KLC3: variants seen among roughly 807,000 people sequenced by gnomAD.
The protein encoded by KLC3 is kinesin light chain 2.
KLC3 carries 72 observed loss-of-function variants against 62.9 expected under a neutral mutation model. The ratio of observed to expected loss-of-function variants is 1.15; its 90% CI spans 0.95 to 1.39. The LOEUF (loss-of-function observed/expected upper bound fraction) is 1.39. Among genes scored for constraint, KLC3 ranks in the 40% most tolerant of loss-of-function variants. KLC3 has a pLI of 0.00. For missense variants in KLC3, 848 were observed against 691.6 expected (o/e 1.23, Z -2.54); for synonymous variants, 377 against 300.5 (o/e 1.25, Z -2.63).
In KLC3 at chr19:45,346,718, C is replaced by A; in HGVS notation, c.433C>A (p.Arg145Ser). ...ESVAQLEEEKRHLEFLGQLRQ... is the reference protein window; with the variant it reads ...ESVAQLEEEKSHLEFLGQLRQ... Reference sequence around the variant, plus strand: ...CGTGGCCCAGCTGGAGGAGGAGAAGCGCCACCTGGAGTTCCTGGGGCAGCT... The same window carrying A: ...CGTGGCCCAGCTGGAGGAGGAGAAGAGCCACCTGGAGTTCCTGGGGCAGCT... Residue 145 changes from arginine to serine, a missense_variant, in exon 3 of 13, where the codon CGC becomes AGC. Physicochemically the swap from Arg to Ser is moderately radical, Grantham distance 110. Transcript: ENST00000391946. The A allele has an allele frequency of 1.3e-6, 2 of 1,583,984 alleles. No homozygotes were observed. Among genetic ancestry groups the A allele is most frequent in the Admixed American group, 1.8e-5 (1 of 55,398 alleles).
chr19:45,341,589 G>GCA (rs71173156), intron 1 of KLC3, among the ~76,000 whole-genome samples: 1 of 150,274 alleles, frequency 6.7e-6, no homozygotes, highest in African/African-American at 2.4e-5. Flanking sequence ...GCGCGCGCGC[G>GCA]TGTGGTGGAC....
At chr19:45,341,578 T>TGTGTGTGTGCGCGCACGC in intron 1 of KLC3, among the ~76,000 whole-genome samples, 1 of 139,800 alleles carries the variant, frequency 7.2e-6, no homozygotes, top group Non-Finnish European at 1.6e-5. Context: ...TGTGTGTGTG[T>TGTGTGTGTGCGCGCACGC]GCGCGCGCGC....
chr19:45,347,527 G>A lies in KLC3; in HGVS notation c.559+11G>A, dbSNP rs1299914434. The A allele has an allele frequency of 6.2e-7, 1 of 1,607,782 alleles. No homozygotes were observed. Among genetic ancestry groups the A allele is most frequent in the Non-Finnish European group, 8.5e-7 (1 of 1,177,314 alleles). On this transcript the variant is annotated intron_variant, in intron 4 of 12. Transcript: ENST00000391946. ...AGGAGGAGAGGAAAGGTGGGTGTTG[G>A]GAGTACATGCCACAGAGGATGGCAG...
At chr19:45,345,840 G>A in intron 2 of KLC3, 41 bp downstream of exon 2, 1 of 1,516,036 alleles carries the variant, frequency 6.6e-7, no homozygotes, top group South Asian at 1.3e-5. Flanking sequence ...AAGGTCAGCT[G>A]AGGGCGGAGG....
chr19:45,351,221 C>G, intron 12 of KLC3, 65 bp from the exon 13 acceptor site: 1 of 1,591,382 alleles, frequency 6.3e-7, no homozygotes, highest in Non-Finnish European at 8.6e-7. Flanking sequence ...GGACCTGGAG[C>G]TGGAGGGTGG....
At chr19:45,350,263 A>C in intron 8 of KLC3, 78 bp from the exon 9 acceptor site, 2 of 1,097,462 alleles carry the variant, frequency 1.8e-6, no homozygotes, top group Non-Finnish European at 2.6e-6. Flanking sequence ...TCTCTACAAA[A>C]AAAAAAAAAA....
In KLC3 at chr19:45,346,985, G is replaced by A. The variant is rs1441580945; in HGVS notation, c.489+211G>A. The A allele has an allele frequency of 6.0e-5, 31 of 514,940 alleles. No homozygotes were observed. In the Middle Eastern group the frequency reaches 1.5e-3, roughly 25 times the overall value. The allele number at this position is 514,940 out of a possible 1,614,324, so 31.9% of individuals were successfully genotyped here. A position where few individuals can be genotyped will look rare whatever the true frequency, so the allele number is the denominator to read the frequency against. ...CAGACGCCCCCACTAGCTACTCCAC[G>A]AAGCCCCCGAGCCTCGCCAGACCCC... On this transcript the variant is annotated intron_variant, in intron 3 of 12. Transcript: ENST00000391946.
At chr19:45,347,382 G>GC in intron 3 of KLC3, 65 bp from the exon 4 acceptor site, 2 of 1,200,530 alleles carry the variant, frequency 1.7e-6, no homozygotes, top group Non-Finnish European at 2.4e-6. Flanking sequence ...CTGAGATAGA[G>GC]CCAGGGCCCC....
At position 45,351,370 on chromosome 19, in the gene KLC3, T is replaced by C. The variant is rs775855093; in HGVS notation, c.*13T>C. The C allele has an allele frequency of 3.3e-5, 53 of 1,609,090 alleles. 1 individual carries two copies. In the Admixed American group the frequency reaches 5.5e-4, roughly 17 times the overall value. On this transcript the variant is annotated 3_prime_UTR_variant, in exon 13 of 13. Coordinates refer to ENST00000391946, the MANE Select transcript of KLC3 (RefSeq NM_177417.3). ...GAGCCCCCACTAACGTCCAGTGAACTGCGCTGGCCGCAGCTTCTTGGGAAC... is the reference window on the plus strand; with the variant it reads ...GAGCCCCCACTAACGTCCAGTGAACCGCGCTGGCCGCAGCTTCTTGGGAAC...
Position 45,350,434 on chromosome 19 carries a change from G to T in KLC3, c.1234+3G>T. On this transcript the variant is annotated splice_donor_region_variant and intron_variant, in intron 9 of 12. Coordinates refer to ENST00000391946, the MANE Select transcript of KLC3 (RefSeq NM_177417.3). ...GGAGGACCTACCCGCCCCTCTCGGT[G>T]AGCCCCTAGCCCCTGTCTGTCTTCC... is the stretch of plus-strand genomic sequence containing the variant. 1 of 1,613,770 alleles carries T rather than the reference G, an allele frequency of 6.2e-7. No homozygotes were observed. The highest frequency in any genetic ancestry group is 1.1e-5 in the South Asian group (1 of 91,042).
At chr19:45,347,800 C>T in intron 4 of KLC3, 141 bp from the exon 5 acceptor site, 2 of 732,034 alleles carry the variant, frequency 2.7e-6, no homozygotes, top group Non-Finnish European at 4.6e-6. Flanking sequence ...CTAGTGACTC[C>T]TATCTCAGAA....
At chr19:45,349,799 A>C (rs1971628086) in intron 8 of KLC3, 197 bp downstream of exon 8, 3 of 569,344 alleles carry the variant, frequency 5.3e-6, no homozygotes, top group African/African-American at 3.8e-5. Flanking sequence ...CACGGCAGCC[A>C]GAGGACAGCC....
Position 45,351,331 on chromosome 19 carries a change from A to C in KLC3, c.1489A>C (p.Ser497Arg). Residue 497 changes from serine to arginine, a missense_variant, in exon 13 of 13, where the codon AGC (serine) becomes CGC (arginine). Ser to Arg is a moderately radical substitution (Grantham distance 110). Transcript: ENST00000391946. ...CAAGGCCCCTCGGACCCTCAGCGCC[A>C]GCACCCAGGACCTGAGCCCCCACTA... ...LDKAPRTLSA[S>R]TQDLSPH 1 of 1,612,012 alleles carries C rather than the reference A, an allele frequency of 6.2e-7. No individual in the cohort carries two copies. Among genetic ancestry groups the C allele is most frequent in the Non-Finnish European group, 8.5e-7 (1 of 1,179,968 alleles).
Position 45,350,330 on chromosome 19 carries a change from C to A in KLC3, c.1144-11C>A, listed in dbSNP as rs377002084. On this transcript the variant is annotated splice_polypyrimidine_tract_variant and intron_variant, in intron 8 of 12. Coordinates refer to ENST00000391946, the MANE Select transcript of KLC3 (RefSeq NM_177417.3). ...GGTCCGAAAAGTTCCCAGACACTCCCTTCTCCGCAGGCCTCAGCCTACCTG... is the reference window on the plus strand; with the variant it reads ...GGTCCGAAAAGTTCCCAGACACTCCATTCTCCGCAGGCCTCAGCCTACCTG... The A allele has an allele frequency of 6.2e-7, 1 of 1,612,042 alleles. No homozygotes were observed. Among genetic ancestry groups the A allele is most frequent in the Non-Finnish European group, 8.5e-7 (1 of 1,179,364 alleles).
At chr19:45,351,149 G>C in intron 12 of KLC3, 132 bp downstream of exon 12, 1 of 1,594,752 alleles carries the variant, frequency 6.3e-7, no homozygotes, top group Non-Finnish European at 8.5e-7. Context: ...ACCCAGGACA[G>C]GAGCAAAGAT....
At chr19:45,350,857 G>T in intron 11 of KLC3, 97 bp from the exon 12 acceptor site, 1 of 1,347,570 alleles carries the variant, frequency 7.4e-7, no homozygotes, top group Non-Finnish European at 1.0e-6. Flanking sequence ...CATCTCCCCT[G>T]TGATACACAC....
At position 45,350,752 on chromosome 19, in the gene KLC3, G is replaced by T; in HGVS notation, c.1379+5G>T. 1 of 1,607,374 alleles carries T rather than the reference G, an allele frequency of 6.2e-7. No individual in the cohort carries two copies. The highest frequency in any genetic ancestry group is 8.5e-7 in the Non-Finnish European group (1 of 1,177,250). ...GGCGGCGGCAGGAGCAGCCGGGTGA[G>T]TGTTGATCAGGTCGGCAAAGAGCCC... On this transcript the variant is annotated splice_donor_5th_base_variant and intron_variant, in intron 11 of 12. Coordinates refer to ENST00000391946, the MANE Select transcript of KLC3 (RefSeq NM_177417.3).
At position 45,346,607 on chromosome 19, in the gene KLC3, C is replaced by T; in HGVS notation, c.322C>T (p.Gln108Ter). The change falls in exon 3 of 13, where the codon CAG (glutamine) becomes TAG (stop). Residue 108 changes from glutamine to a stop codon, truncating the protein, a stop_gained. Coordinates refer to ENST00000391946, the MANE Select transcript of KLC3 (RefSeq NM_177417.3). LOFTEE classifies it high-confidence loss of function. ...GGCAGAGAAGCAGCGGCTGCGCTCG[C>T]AGGCCCGGCGGCTGGCCCAGGAGAA... ...LEAEKQRLRSQARRLAQENVW... is the reference protein window; with the variant it reads ...LEAEKQRLRS The T allele has an allele frequency of 1.3e-6, 2 of 1,550,468 alleles. No homozygotes were observed. Among genetic ancestry groups the T allele is most frequent in the Non-Finnish European group, 1.7e-6 (2 of 1,147,002 alleles).
intron 1 of KLC3, among the ~76,000 whole-genome samples, chr19:45,341,283 C>A (rs550281894): frequency 6.7e-6 from 1 of 150,276 alleles, no homozygotes; most frequent in South Asian, 2.1e-4. Context: ...TCCGTGTAAC[C>A]CTGTGATGGG....
Sources: gnomAD v4.1 joint callset for allele counts (sites outside exome capture counted in the v4.1 genomes callset) on GRCh38, gnomAD v4.1.1 for gene constraint, MANE v1.5 for transcripts, NCBI Gene and HGNC (gene_info 2026-07-23, HGNC 2026-07-21) for gene names.